FAM118B: variants seen among roughly 807,000 people sequenced by gnomAD.
The protein encoded by FAM118B is SIR2 antiphage like 1, also known as protein FAM118B.
Under a neutral mutation model 38.5 loss-of-function variants are expected in FAM118B, and 24 were observed. The ratio of observed to expected loss-of-function variants is 0.62; its 90% CI spans 0.45 to 0.88. FAM118B has a LOEUF of 0.88. Among genes scored for constraint, FAM118B ranks in the 40% least tolerant of loss-of-function variants. The pLI, the probability that FAM118B is intolerant of heterozygous loss-of-function variation, is 0.00. For missense variants in FAM118B, 334 were observed against 420.0 expected (o/e 0.80, Z 1.79); for synonymous variants, 138 against 156.3 (o/e 0.88, Z 0.87).
intron 3 of FAM118B, among the ~76,000 whole-genome samples, chr11:126,238,713 C>G (rs1950313986): frequency 6.6e-6 from 1 of 152,152 alleles, no homozygotes; most frequent in Admixed American, 6.5e-5. Context: ...GTAACTGATT[C>G]TCCTATTTTA....
In FAM118B at chr11:126,252,106, C is replaced by T. The variant is rs981979354; in HGVS notation, c.567+1373C>T. Reference sequence around the variant, plus strand: ...GGTTCAAGCGATTCTCCTGCCTCAGCGTCCCGAATAGCTGGGATTACAGGC... The same window carrying T: ...GGTTCAAGCGATTCTCCTGCCTCAGTGTCCCGAATAGCTGGGATTACAGGC... On this transcript the variant is annotated intron_variant, in intron 5 of 8. Transcript: ENST00000533050. The surrounding 1 kb of genome is among the most constrained non-coding windows in gnomAD (Gnocchi z 4.7). Among the ~76,000 whole-genome samples, 5 of 152,140 alleles carry T rather than the reference C, an allele frequency of 3.3e-5. No homozygotes were observed. The highest frequency in any genetic ancestry group is 2.1e-4 in the South Asian group (1 of 4,830).
intron 2 of FAM118B, among the ~76,000 whole-genome samples, chr11:126,231,211 T>C (rs1333742424): frequency 6.6e-6 from 1 of 152,244 alleles, no homozygotes; most frequent in African/African-American, 2.4e-5. Flanking sequence ...TTAGCAGTAA[T>C]TGAGGTAATG....
At chr11:126,229,025 A>G (rs1237032345) in intron 1 of FAM118B, among the ~76,000 whole-genome samples, 200 bp from the exon 2 acceptor site, 1 of 152,216 alleles carries the variant, frequency 6.6e-6, no homozygotes, top group Non-Finnish European at 1.5e-5. Flanking sequence ...CTATTTTTGT[A>G]GTAGAAATTC....
intron 7 of FAM118B, among the ~76,000 whole-genome samples, chr11:126,259,376 AG>A: frequency 6.6e-6 from 1 of 152,220 alleles, no homozygotes; most frequent in African/African-American, 2.4e-5. Flanking sequence ...AGTGGGAAAA[AG>A]AAAAATAATT....
intron 2 of FAM118B, among the ~76,000 whole-genome samples, chr11:126,230,951 T>C (rs1591509344): frequency 6.6e-6 from 1 of 152,232 alleles, no homozygotes; most frequent in East Asian, 1.9e-4. Flanking sequence ...TTTTCTCTTG[T>C]CCCTTTACCA....
Position 126,259,978 on chromosome 11 carries a change from C to T in FAM118B, c.983-1447C>T, listed in dbSNP as rs369478945. On this transcript the variant is annotated intron_variant, in intron 7 of 8. Transcript: ENST00000533050. ...CTCGTGATCCACCCACCTCAGCCTCCCAAAGTGCTGGGATTACAGGCGTGA... is the reference window on the plus strand; with the variant it reads ...CTCGTGATCCACCCACCTCAGCCTCTCAAAGTGCTGGGATTACAGGCGTGA... 5.9e-5 allele frequency among the ~76,000 whole-genome samples: 9 copies of T among 152,154 alleles called. No homozygotes were observed. The South Asian group carries it at 1.0e-3, about 18-fold the overall frequency.
chr11:126,259,794 C>T (rs1023755876), intron 7 of FAM118B, among the ~76,000 whole-genome samples: 1 of 151,448 alleles, frequency 6.6e-6, no homozygotes, highest in Non-Finnish European at 1.5e-5. Flanking sequence ...AATCTCAGCT[C>T]ACTGCAAGCT....
chr11:126,226,718 A>C (rs1950146795), intron 1 of FAM118B, among the ~76,000 whole-genome samples: 1 of 152,144 alleles, frequency 6.6e-6, no homozygotes, highest in Non-Finnish European at 1.5e-5. Context: ...AGTGGCTCAC[A>C]CCTGTAACTG....
At chr11:126,254,006 A>G (rs1429923217) in intron 5 of FAM118B, among the ~76,000 whole-genome samples, 2 of 152,228 alleles carry the variant, frequency 1.3e-5, no homozygotes, top group African/African-American at 4.8e-5. Context: ...GCAGTTGTCC[A>G]TAGCTCTCAT....
At chr11:126,220,256 G>C (rs1434555079) in intron 1 of FAM118B, among the ~76,000 whole-genome samples, 1 of 152,220 alleles carries the variant, frequency 6.6e-6, no homozygotes, top group Non-Finnish European at 1.5e-5. Flanking sequence ...AGGCTGCCCA[G>C]CTTTCTGGCT....
intron 4 of FAM118B, among the ~76,000 whole-genome samples, chr11:126,245,532 A>G (rs1467063043): frequency 2.6e-5 from 4 of 151,962 alleles, no homozygotes; most frequent in Non-Finnish European, 1.5e-5. Flanking sequence ...GTTGTCATCA[A>G]GAAAGTGAAA....
At chr11:126,215,814 G>T (rs1408647956) in intron 1 of FAM118B, among the ~76,000 whole-genome samples, 1 of 151,352 alleles carries the variant, frequency 6.6e-6, no homozygotes, top group Non-Finnish European at 1.5e-5. Context: ...GTTTGAGATC[G>T]CCTGGGCAAC....
intron 3 of FAM118B, among the ~76,000 whole-genome samples, chr11:126,238,612 C>T (rs569715027): frequency 1.3e-5 from 2 of 152,286 alleles, no homozygotes; most frequent in East Asian, 1.9e-4. Flanking sequence ...CCACCCTCAG[C>T]TGTGTGCAGT....
At chr11:126,234,231 ATACTAT>A (rs1402839237) in intron 2 of FAM118B, among the ~76,000 whole-genome samples, 7 of 152,360 alleles carry the variant, frequency 4.6e-5, no homozygotes, top group South Asian at 2.1e-4. Flanking sequence ...TGTGTTTAAA[ATACTAT>A]TACTATTTTT....
In FAM118B at chr11:126,250,524, T is replaced by C; in HGVS notation, c.358T>C (p.Ser120Pro). ...KLSPRTSNVR[S>P]TFFKDCLYEV... Reference sequence around the variant, plus strand: ...TCCTCAGCGTACCAGTAATGTTCGATCCACATTTTTCAAGGACTGTTTATA... The same window carrying C: ...TCCTCAGCGTACCAGTAATGTTCGACCCACATTTTTCAAGGACTGTTTATA... Residue 120 changes from serine (S) to proline (P), a missense_variant, in exon 5 of 9, where the codon TCC (serine) becomes CCC (proline). By Grantham distance (74) the Ser-to-Pro change is moderately conservative. Around this residue, in one of 3 missense-constraint regions of FAM118B, gnomAD observed 240 missense variants for 295.9 expected, o/e 0.81. Transcript: ENST00000533050. This position sits in a 1 kb window ranked among gnomAD's most constrained non-coding sequence, Gnocchi z 5.1. The C allele has an allele frequency of 1.2e-6, 2 of 1,613,628 alleles. No individual in the cohort carries two copies. The highest frequency in any genetic ancestry group is 1.1e-5 in the South Asian group (1 of 91,074).
intron 7 of FAM118B, among the ~76,000 whole-genome samples, chr11:126,258,943 T>A (rs1192443148): frequency 6.6e-6 from 1 of 152,244 alleles, no homozygotes; most frequent in Admixed American, 6.5e-5. Flanking sequence ...TATTGTGGAA[T>A]GGCACAAATT....
intron 3 of FAM118B, among the ~76,000 whole-genome samples, chr11:126,239,593 G>A (rs536260899): frequency 1.8e-4 from 27 of 152,142 alleles, no homozygotes; most frequent in Admixed American, 1.1e-3. Context: ...CATGACTCCC[G>A]TAGTGTCTGG....
intron 1 of FAM118B, among the ~76,000 whole-genome samples, chr11:126,223,686 T>C (rs1032452796): frequency 1.3e-5 from 2 of 152,340 alleles, no homozygotes; most frequent in South Asian, 4.1e-4. Flanking sequence ...ACTGATTTCT[T>C]AGCTCAAAAT....
chr11:126,239,491 A>AT (rs1274459731), intron 3 of FAM118B, among the ~76,000 whole-genome samples: 1 of 151,962 alleles, frequency 6.6e-6, no homozygotes, highest in Non-Finnish European at 1.5e-5. Flanking sequence ...ACTGAAACTC[A>AT]TTTTTCATCA....
Sources: gnomAD v4.1 joint callset for allele counts (sites outside exome capture counted in the v4.1 genomes callset) on GRCh38, gnomAD v4.1.1 for gene constraint, gnomAD v4.1.1 regional missense constraint, Gnocchi (gnomAD v3.1) non-coding constraint, MANE v1.5 for transcripts, NCBI Gene and HGNC (gene_info 2026-07-23, HGNC 2026-07-21) for gene names.